PHACTR1: variants seen among roughly 807,000 people sequenced by gnomAD.
PHACTR1 encodes RPEL repeat containing 1.
A neutral mutation model predicts 69.2 loss-of-function variants in PHACTR1; 16 were observed. The ratio of observed to expected loss-of-function variants is 0.23; its 90% confidence interval spans 0.16 to 0.35. PHACTR1 has a LOEUF of 0.35. Among genes scored for constraint, PHACTR1 ranks in the 10% least tolerant of loss-of-function variants. PHACTR1 has a pLI of 1.00. For missense variants in PHACTR1, 510 were observed against 734.7 expected (o/e 0.69, Z 3.54); for synonymous variants, 312 against 284.5 (o/e 1.10, Z -0.97).
chr6:12,717,062 C>G (rs940124181), intron 1 of PHACTR1, among the ~76,000 whole-genome samples, 166 bp downstream of exon 1: 1 of 152,108 alleles, frequency 6.6e-6, no homozygotes, highest in Non-Finnish European at 1.5e-5. Context: ...TAAGCTTCTT[C>G]CAGTGACTGA....
chr6:13,049,482 A>G (rs1362403605), intron 4 of PHACTR1, among the ~76,000 whole-genome samples: 1 of 152,232 alleles, frequency 6.6e-6, no homozygotes, highest in Non-Finnish European at 1.5e-5. Context: ...GGCTGAACTC[A>G]GAGAATTCTC....
At chr6:12,943,521 T>C (rs965015475) in intron 4 of PHACTR1, among the ~76,000 whole-genome samples, 1 of 152,224 alleles carries the variant, frequency 6.6e-6, no homozygotes, top group Non-Finnish European at 1.5e-5. Flanking sequence ...TTTACATATG[T>C]GTATTCTGCC....
intron 4 of PHACTR1, among the ~76,000 whole-genome samples, chr6:12,847,429 T>G (rs946290544): frequency 4.6e-5 from 7 of 152,198 alleles, no homozygotes; most frequent in Admixed American, 6.5e-5. Flanking sequence ...GTAGTCAACT[T>G]ATATGACACA....
chr6:12,988,005 T>G (rs556085721), intron 4 of PHACTR1, among the ~76,000 whole-genome samples: 2 of 152,292 alleles, frequency 1.3e-5, no homozygotes, highest in South Asian at 4.1e-4. Flanking sequence ...CAGCCACTGG[T>G]GCACATTTCT....
chr6:12,849,420 C>A (rs987860567), intron 4 of PHACTR1, among the ~76,000 whole-genome samples: 1 of 152,134 alleles, frequency 6.6e-6, no homozygotes, highest in African/African-American at 2.4e-5. Context: ...TTGTCTGCAA[C>A]CCCCTGTGGA....
chr6:13,001,468 G>A (rs1292747154), intron 4 of PHACTR1, among the ~76,000 whole-genome samples: 1 of 152,116 alleles, frequency 6.6e-6, no homozygotes, highest in Non-Finnish European at 1.5e-5. Flanking sequence ...AAATGGTTTG[G>A]GGCTGGACTT....
At chr6:13,145,282 T>G (rs912516632) in intron 5 of PHACTR1, among the ~76,000 whole-genome samples, 3 of 152,242 alleles carry the variant, frequency 2.0e-5, no homozygotes, top group African/African-American at 7.2e-5. Context: ...CCTTATCATA[T>G]ATGTATACAA....
Position 12,844,629 on chromosome 6 carries a change from AT to A in PHACTR1, c.250+94841del, listed in dbSNP as rs747684942. Among the ~76,000 whole-genome samples the A allele has an allele frequency of 6.6e-5, 10 of 152,264 alleles. No individual in the cohort carries two copies. The East Asian group carries it at 1.7e-3, about 26-fold the overall frequency. ...AAGTGTTCAATAACTGTTAGAATTT[AT>A]TACTATCTGCAAACACTGCATTATA... On this transcript the variant is annotated intron_variant, in intron 4 of 14. Transcript: ENST00000332995.
chr6:13,193,817 C>T (rs1175509670), intron 7 of PHACTR1, among the ~76,000 whole-genome samples: 2 of 151,954 alleles, frequency 1.3e-5, no homozygotes, highest in African/African-American at 4.8e-5. Context: ...GATTTGATTC[C>T]CTATCTGCTT....
intron 7 of PHACTR1, among the ~76,000 whole-genome samples, chr6:13,195,779 A>AAAAAAAAAAAAAAAAAAAAAG (rs201554952): frequency 3.9e-4 from 46 of 118,586 alleles, no homozygotes; most frequent in African/African-American, 1.1e-3. Context: ...AAAAAAAAAA[A>AAAAAAAAAAAAAAAAAAAAAG]AGTTCATTTG....
intron 5 of PHACTR1, among the ~76,000 whole-genome samples, chr6:13,085,310 G>A (rs1032907754): frequency 1.3e-5 from 2 of 151,812 alleles, no homozygotes; most frequent in East Asian, 1.9e-4. Context: ...TTATTAAAAT[G>A]TTATTCAAAA....
chr6:13,201,994 G>A (rs757096669), intron 7 of PHACTR1, among the ~76,000 whole-genome samples: 7 of 152,086 alleles, frequency 4.6e-5, no homozygotes, highest in South Asian at 2.1e-4. Context: ...GCTTTTATTC[G>A]CTGCCCTTTA....
At chr6:13,237,960 A>C (rs1772256742) in intron 10 of PHACTR1, among the ~76,000 whole-genome samples, 1 of 152,248 alleles carries the variant, frequency 6.6e-6, no homozygotes, top group African/African-American at 2.4e-5. Flanking sequence ...TCCGTTACCC[A>C]AAGGTTGTTA....
At chr6:12,726,279 G>A (rs1762785523) in intron 3 of PHACTR1, among the ~76,000 whole-genome samples, 1 of 152,154 alleles carries the variant, frequency 6.6e-6, no homozygotes, top group African/African-American at 2.4e-5. Context: ...GGATGATGGA[G>A]TTTTCATTCT....
intron 10 of PHACTR1, among the ~76,000 whole-genome samples, chr6:13,265,933 A>G (rs1472991951): frequency 1.3e-5 from 2 of 152,096 alleles, no homozygotes; most frequent in African/African-American, 4.8e-5. Flanking sequence ...TATATTGCAG[A>G]CTAGTCTCAG....
At chr6:13,148,173 T>C (rs1211856289) in intron 5 of PHACTR1, among the ~76,000 whole-genome samples, 1 of 149,724 alleles carries the variant, frequency 6.7e-6, no homozygotes, top group African/African-American at 2.5e-5. Flanking sequence ...CATTTGTGTG[T>C]TTACTGGTTT....
chr6:13,059,577 T>C (rs1274247343), intron 5 of PHACTR1, among the ~76,000 whole-genome samples: 2 of 152,308 alleles, frequency 1.3e-5, no homozygotes, highest in Non-Finnish European at 2.9e-5. Context: ...ATCATGGTTG[T>C]ATGCATAGGT....
At chr6:12,825,236 C>T (rs531237684) in intron 4 of PHACTR1, among the ~76,000 whole-genome samples, 3 of 151,898 alleles carry the variant, frequency 2.0e-5, no homozygotes, top group Admixed American at 1.3e-4. Flanking sequence ...TGGCTTGAGC[C>T]CCGGAGTTCA....
intron 4 of PHACTR1, among the ~76,000 whole-genome samples, chr6:13,042,874 G>A (rs773625381): frequency 2.0e-5 from 3 of 152,170 alleles, no homozygotes; most frequent in Non-Finnish European, 2.9e-5. Flanking sequence ...AGAGGAAGCC[G>A]ATGGGACTTT....
Sources: allele counts gnomAD v4.1 joint callset (sites outside exome capture counted in the v4.1 genomes callset), GRCh38; gene constraint gnomAD v4.1.1; transcripts MANE v1.5; gene names NCBI Gene and HGNC (gene_info 2026-07-23, HGNC 2026-07-21).